Variants in PDK3 observed in about 807,000 individuals in gnomAD.
PDK3 encodes pyruvate dehydrogenase kinase, isozyme 3.
A neutral mutation model predicts 32.0 loss-of-function variants in PDK3; 12 were observed. That is an observed-to-expected ratio of 0.37 (90% confidence interval 0.24 to 0.61). The LOEUF (loss-of-function observed/expected upper bound fraction) is 0.61, where lower values mean the gene tolerates loss of function less well. PDK3 is among the 20% of genes least tolerant of loss of function. The probability of loss-of-function intolerance (pLI) is 0.65; values close to 1 mark genes in which losing one functional copy is unlikely to be tolerated. For missense variants in PDK3, 188 were observed against 316.9 expected, an observed-to-expected ratio of 0.59 and a Z score of 3.09; for synonymous variants, 122 against 116.3, an observed-to-expected ratio of 1.05 and a Z score of -0.31.
At chrX:24,550,443 CAATAA>C (rs1295628076) in exon 12 of PDK3, 1 of 111,809 alleles carries the variant, frequency 8.9e-6, no homozygotes, top group African/African-American at 3.3e-5. Context: ...ATAATCAGAA[CAATAA>C]AATGGTAGTT....
At chrX:24,534,645 A>G (rs745348558), downstream of PDK3, among the ~76,000 whole-genome samples, 2 of 112,611 alleles carry the variant, frequency 1.8e-5, no homozygotes, top group African/African-American at 3.2e-5. Context: ...ACATGTAGCA[A>G]TGGTTAAGAT....
chrX:24,471,382 T>C (rs1177037869), intron 1 of PDK3, among the ~76,000 whole-genome samples: 1 of 112,055 alleles, frequency 8.9e-6, no homozygotes, highest in Non-Finnish European at 1.9e-5. Flanking sequence ...AGTTAAAAAT[T>C]TCCAGTGAAG....
chrX:24,466,286 C>T (rs1214169629), intron 1 of PDK3, among the ~76,000 whole-genome samples: 1 of 112,196 alleles, frequency 8.9e-6, no homozygotes, highest in Non-Finnish European at 1.9e-5. Context: ...GATTCGGGTT[C>T]CCAGCCTGCC....
downstream of PDK3, among the ~76,000 whole-genome samples, chrX:24,535,698 TA>T (rs1922759461): frequency 1.8e-5 from 2 of 109,815 alleles, no homozygotes; most frequent in African/African-American, 3.3e-5. Context: ...CTATTCATAC[TA>T]TTTTACAACC....
At chrX:24,508,389 C>T (rs753144001) in intron 5 of PDK3, among the ~76,000 whole-genome samples, 1 of 111,612 alleles carries the variant, frequency 9.0e-6, no homozygotes, top group Non-Finnish European at 1.9e-5. Context: ...AGAGCCAAAC[C>T]GTATCAATGA....
intron 4 of PDK3, 101 bp from the exon 5 acceptor site, chrX:24,505,108 C>T: frequency 2.0e-6 from 1 of 509,691 alleles, no homozygotes; most frequent in East Asian, 3.8e-5. Context: ...GATTTTTACA[C>T]ATAAGATATC....
At chrX:24,526,062 C>T in intron 6 of PDK3, 136 bp from the exon 7 acceptor site, 2 of 460,310 alleles carry the variant, frequency 4.3e-6, no homozygotes, top group South Asian at 7.2e-5. Flanking sequence ...CTCAGCCCTG[C>T]CTTTAGAGGT....
chrX:24,530,263 C>G (rs772664583), intron 9 of PDK3, among the ~76,000 whole-genome samples: 4 of 111,473 alleles, frequency 3.6e-5, no homozygotes, highest in Non-Finnish European at 7.5e-5. Flanking sequence ...CTTTTACCCC[C>G]TGCCCTTTCA....
chrX:24,549,041 T>G lies in PDK3; in HGVS notation c.*9877T>G, dbSNP rs1376127756. Reference sequence around the variant, plus strand: ...TATATACTTACAGGAAAAACCGACTTATGCCTTCATTGAAAAAATGTTGAA... The same window carrying G: ...TATATACTTACAGGAAAAACCGACTGATGCCTTCATTGAAAAAATGTTGAA... On this transcript the variant is annotated 3_prime_UTR_variant, in exon 12 of 12. Transcript: ENST00000568479. 4.5e-5 allele frequency: 5 copies of G among 112,021 alleles called. No homozygotes were observed. The East Asian group carries it at 1.1e-3, about 25-fold the overall frequency. The allele number at this position is 112,021 out of a possible 1,213,427, so 9.2% of individuals were successfully genotyped here.
intron 1 of PDK3, among the ~76,000 whole-genome samples, chrX:24,469,942 C>G (rs756530937): frequency 2.3e-3 from 260 of 111,971 alleles, no homozygotes; most frequent in Middle Eastern, 9.3e-3. Context: ...CTAAAATCTA[C>G]TCATTTAGCA....
intron 3 of PDK3, among the ~76,000 whole-genome samples, chrX:24,500,123 G>A (rs890703882): frequency 1.8e-5 from 2 of 110,608 alleles, no homozygotes; most frequent in Admixed American, 9.6e-5. Flanking sequence ...TTGGTCCTTT[G>A]TACTGGCAGT....
intron 5 of PDK3, 45 bp from the exon 6 acceptor site, chrX:24,518,888 C>A (rs1922326061): frequency 4.0e-6 from 3 of 748,194 alleles, no homozygotes; most frequent in South Asian, 2.4e-5. Flanking sequence ...CACGCTTGTG[C>A]CTATGTTATT....
chrX:24,474,314 G>A lies in PDK3; in HGVS notation c.106+8753G>A, dbSNP rs771212297. On this transcript the variant is annotated intron_variant, in intron 1 of 10. Coordinates refer to ENST00000379162, the MANE Select transcript of PDK3 (RefSeq NM_005391.5). Reference sequence around the variant, plus strand: ...GCTCCATAAATGGCAATTACTGATGGCATGCCTGACTCCATATCGAGGTTA... The same window carrying A: ...GCTCCATAAATGGCAATTACTGATGACATGCCTGACTCCATATCGAGGTTA... Among the ~76,000 whole-genome samples, 3 of 111,448 alleles carry A rather than the reference G, an allele frequency of 2.7e-5. No homozygotes were observed. The South Asian group carries it at 1.1e-3, about 41-fold the overall frequency.
chrX:24,503,552 A>T (rs374002799), intron 4 of PDK3, 41 bp downstream of exon 4: 1 of 941,460 alleles, frequency 1.1e-6, no homozygotes, highest in South Asian at 3.4e-5. Context: ...AAAGGTAACC[A>T]TAGTGATTTC....
At chrX:24,527,824 T>A in intron 8 of PDK3, 149 bp downstream of exon 8, 1 of 471,783 alleles carries the variant, frequency 2.1e-6, no homozygotes, top group East Asian at 3.7e-5. Flanking sequence ...GTTACCTTAT[T>A]TAAACTTCAT....
chrX:24,515,831 TTAAG>T (rs1036400866), intron 5 of PDK3, among the ~76,000 whole-genome samples: 6 of 112,145 alleles, frequency 5.4e-5, no homozygotes, highest in African/African-American at 9.7e-5. Context: ...TCAATCCTAC[TTAAG>T]TGTCTATTTT....
intron 1 of PDK3, among the ~76,000 whole-genome samples, chrX:24,490,977 T>C (rs1008468428): frequency 2.7e-5 from 3 of 111,036 alleles, no homozygotes; most frequent in Non-Finnish European, 3.8e-5. Context: ...TTCTTCTACT[T>C]CTTCCCTATT....
At chrX:24,483,700 C>T (rs777164741) in intron 1 of PDK3, among the ~76,000 whole-genome samples, 124 of 111,682 alleles carry the variant, frequency 1.1e-3, no homozygotes, top group Middle Eastern at 4.6e-3. Context: ...TTTTCAGTTG[C>T]GATCCGAGGT....
chrX:24,474,614 G>A (rs750090748), intron 1 of PDK3, among the ~76,000 whole-genome samples: 10 of 109,105 alleles, frequency 9.2e-5, no homozygotes, highest in Admixed American at 6.9e-4. Flanking sequence ...GGGTTTCACC[G>A]TCTTGGCCAG....
Sources: allele counts gnomAD v4.1 joint callset (sites outside exome capture counted in the v4.1 genomes callset), GRCh38; gene constraint gnomAD v4.1.1; transcripts MANE v1.5; gene names NCBI Gene and HGNC (gene_info 2026-07-23, HGNC 2026-07-21).